Variants in SETBP1 observed in about 807,000 individuals in gnomAD.
SETBP1 encodes the protein SET-binding protein.
SETBP1 carries 9 observed loss-of-function variants against 101.0 expected under a neutral mutation model. The observed-to-expected ratio is 0.09, with a 90% CI of 0.05 to 0.16. The LOEUF (loss-of-function observed/expected upper bound fraction) is 0.16, where lower values mean the gene tolerates loss of function less well. Ranked by LOEUF, SETBP1 falls within the 10% of genes least tolerant of loss-of-function variation. The pLI is 1.00. For synonymous variants in SETBP1, 818 were observed against 788.5 expected (o/e 1.04, Z -0.63); for missense variants, 1,858 against 2,033.8 (o/e 0.91, Z 1.66).
intron 2 of SETBP1, among the ~76,000 whole-genome samples, chr18:44,838,251 G>T (rs1251699843): frequency 2.6e-5 from 4 of 152,150 alleles, no homozygotes; most frequent in Non-Finnish European, 1.5e-5. Flanking sequence ...TTTCAGAGTA[G>T]GAGTCTCTTA....
intron 2 of SETBP1, among the ~76,000 whole-genome samples, chr18:44,724,360 C>T (rs1323640135): frequency 6.6e-6 from 1 of 152,030 alleles, no homozygotes; most frequent in Non-Finnish European, 1.5e-5. Flanking sequence ...ACAGCCAACC[C>T]CTGAGCCTCT....
At chr18:45,031,688 C>A (rs1442906829) in intron 4 of SETBP1, among the ~76,000 whole-genome samples, 1 of 152,190 alleles carries the variant, frequency 6.6e-6, no homozygotes, top group African/African-American at 2.4e-5. Flanking sequence ...TACCTAGTAT[C>A]TACCAAGCTA....
intron 4 of SETBP1, among the ~76,000 whole-genome samples, chr18:44,994,624 C>T (rs1229342103): frequency 2.0e-5 from 3 of 152,114 alleles, no homozygotes; most frequent in Non-Finnish European, 4.4e-5. Context: ...GATAGCTGAA[C>T]ACTGGACACA....
intron 4 of SETBP1, among the ~76,000 whole-genome samples, chr18:44,976,788 A>T (rs957542360): frequency 3.3e-5 from 5 of 152,182 alleles, no homozygotes; most frequent in African/African-American, 9.7e-5. Context: ...AGAGGCATAG[A>T]TGTGTTCTGA....
intron 3 of SETBP1, among the ~76,000 whole-genome samples, chr18:44,937,975 G>A (rs1395278831): frequency 1.3e-5 from 2 of 152,136 alleles, no homozygotes; most frequent in Non-Finnish European, 2.9e-5. Context: ...TTATCACTTC[G>A]ACACATTCCT....
chr18:44,765,401 CA>C (rs2070745659), intron 2 of SETBP1, among the ~76,000 whole-genome samples: 1 of 152,116 alleles, frequency 6.6e-6, no homozygotes, highest in Non-Finnish European at 1.5e-5. Context: ...TTTAAGCAGG[CA>C]TTTTGTGGGT....
At chr18:44,791,856 G>A (rs2071378904) in intron 2 of SETBP1, among the ~76,000 whole-genome samples, 1 of 152,130 alleles carries the variant, frequency 6.6e-6, no homozygotes, top group African/African-American at 2.4e-5. Context: ...AGCTGAGGCG[G>A]CCGCTTAATT....
intron 3 of SETBP1, among the ~76,000 whole-genome samples, chr18:44,895,847 C>G (rs913739893): frequency 6.6e-6 from 1 of 152,078 alleles, no homozygotes; most frequent in Non-Finnish European, 1.5e-5. Context: ...AAAAATGACA[C>G]TTTTTTTGCA....
At chr18:44,897,877 T>G (rs1173070784) in intron 3 of SETBP1, among the ~76,000 whole-genome samples, 1 of 152,210 alleles carries the variant, frequency 6.6e-6, no homozygotes, top group East Asian at 1.9e-4. Context: ...AGAGGATTTT[T>G]AGTGCACTTC....
chr18:44,969,582 A>C (rs557368436), intron 4 of SETBP1, among the ~76,000 whole-genome samples: 25 of 152,264 alleles, frequency 1.6e-4, no homozygotes, highest in African/African-American at 6.0e-4. Context: ...AGGGCATGCT[A>C]GAGAAACAGC....
chr18:44,752,676 A>C (rs2070410787), intron 2 of SETBP1, among the ~76,000 whole-genome samples: 1 of 152,236 alleles, frequency 6.6e-6, no homozygotes, highest in Non-Finnish European at 1.5e-5. Context: ...GGGGCTCAAA[A>C]ACAGAAAAAT....
intron 2 of SETBP1, among the ~76,000 whole-genome samples, chr18:44,789,421 A>C (rs2071321094): frequency 1.3e-5 from 2 of 152,212 alleles, no homozygotes; most frequent in Non-Finnish European, 2.9e-5. Flanking sequence ...GTGTTTCAGC[A>C]AGTACAAACA....
At chr18:44,866,573 G>A (rs1047216420) in intron 2 of SETBP1, among the ~76,000 whole-genome samples, 7 of 152,140 alleles carry the variant, frequency 4.6e-5, no homozygotes, top group South Asian at 2.1e-4. Flanking sequence ...AAAAATAGAC[G>A]AGTAAAAATA....
At chr18:45,050,946 C>T (rs1293702031) in intron 5 of SETBP1, among the ~76,000 whole-genome samples, 1 of 152,146 alleles carries the variant, frequency 6.6e-6, no homozygotes, top group Non-Finnish European at 1.5e-5. Context: ...TTGTTAGTGC[C>T]TACCTAGTCA....
At chr18:44,838,755 A>G (rs1487310647) in intron 2 of SETBP1, among the ~76,000 whole-genome samples, 2 of 152,130 alleles carry the variant, frequency 1.3e-5, no homozygotes, top group African/African-American at 2.4e-5. Context: ...TGAGCAAATC[A>G]ACCCTTTTAA....
intron 2 of SETBP1, among the ~76,000 whole-genome samples, chr18:44,754,023 T>C (rs945938091): frequency 1.3e-5 from 2 of 152,202 alleles, no homozygotes; most frequent in African/African-American, 4.8e-5. Flanking sequence ...TGTAATACTC[T>C]CTCCTTGCAT....
chr18:45,027,562 T>G lies in SETBP1; in HGVS notation c.4001-10923T>G, dbSNP rs73952947. On this transcript the variant is annotated intron_variant, in intron 4 of 5. Transcript: ENST00000649279. ...GGAAAAGAATATAAAGTCTCTGCTTTCTAGGAATTAAAATCTTGTAGGGGA... is the reference window on the plus strand; with the variant it reads ...GGAAAAGAATATAAAGTCTCTGCTTGCTAGGAATTAAAATCTTGTAGGGGA... Among the ~76,000 whole-genome samples, 1,294 of 152,326 alleles carry G rather than the reference T, an allele frequency of 8.5e-3. 25 individuals carry two copies. The highest frequency in any genetic ancestry group is 0.03 in the African/African-American group (1,239 of 41,572).
intron 3 of SETBP1, among the ~76,000 whole-genome samples, chr18:44,886,044 G>T (rs751341331): frequency 6.6e-6 from 1 of 151,902 alleles, no homozygotes; most frequent in African/African-American, 2.4e-5. Flanking sequence ...ACATATAGTC[G>T]GATGGTTTGG....
intron 3 of SETBP1, among the ~76,000 whole-genome samples, chr18:44,933,873 A>C (rs947478077): frequency 1.3e-5 from 2 of 152,162 alleles, no homozygotes; most frequent in Non-Finnish European, 2.9e-5. Flanking sequence ...CTAGGAAAGG[A>C]AATTCCCCAA....
Sources: allele counts gnomAD v4.1 joint callset (sites outside exome capture counted in the v4.1 genomes callset), GRCh38; gene constraint gnomAD v4.1.1; transcripts MANE v1.5; gene names NCBI Gene and HGNC (gene_info 2026-07-23, HGNC 2026-07-21).